The following KCNU1 variants were observed in gnomAD, a reference collection of about 807,000 sequenced individuals.
The protein encoded by KCNU1 is potassium channel subfamily U member 1.
In KCNU1, 93 loss-of-function variants were observed where a neutral mutation model predicts 126.8. The ratio of observed to expected loss-of-function variants is 0.73; its 90% CI spans 0.62 to 0.87. The LOEUF is 0.87. KCNU1 is among the 40% of genes least tolerant of loss of function. KCNU1 has a pLI of 0.00. For synonymous variants in KCNU1, 523 were observed against 494.2 expected, an observed-to-expected ratio of 1.06 and a Z score of -0.77; for missense variants, 1,330 against 1,367.1, an observed-to-expected ratio of 0.97 and a Z score of 0.43.
intron 19 of KCNU1, among the ~76,000 whole-genome samples, chr8:36,875,401 G>A (rs955755010): frequency 2.7e-5 from 4 of 148,348 alleles, no homozygotes; most frequent in Admixed American, 6.8e-5. Context: ...ATATATAATA[G>A]TGTTTTATAT....
intron 14 of KCNU1, among the ~76,000 whole-genome samples, chr8:36,839,222 C>G (rs1563287569): frequency 6.6e-6 from 1 of 152,080 alleles, no homozygotes; most frequent in East Asian, 1.9e-4. Flanking sequence ...CAGAGCATGG[C>G]CTTAAACTTA....
intron 24 of KCNU1, among the ~76,000 whole-genome samples, chr8:36,927,010 C>T (rs942581293): frequency 1.3e-5 from 2 of 152,036 alleles, no homozygotes; most frequent in Admixed American, 6.6e-5. Flanking sequence ...CTCTTCCTTC[C>T]CATGTATACT....
intron 7 of KCNU1, among the ~76,000 whole-genome samples, chr8:36,813,694 C>A (rs374998205): frequency 6.6e-6 from 1 of 151,114 alleles, no homozygotes; most frequent in African/African-American, 2.4e-5. Context: ...ACTGAAAAGA[C>A]GATTGTGCAA....
chr8:36,869,350 G>A (rs1332162706), intron 19 of KCNU1, among the ~76,000 whole-genome samples: 1 of 152,122 alleles, frequency 6.6e-6, no homozygotes, highest in Non-Finnish European at 1.5e-5. Context: ...TATTGGGTCT[G>A]CTTAAGTCAA....
intron 18 of KCNU1, among the ~76,000 whole-genome samples, chr8:36,855,946 GA>G (rs1805513218): frequency 6.6e-6 from 1 of 152,036 alleles, no homozygotes; most frequent in Non-Finnish European, 1.5e-5. Flanking sequence ...CTGGTTTCAA[GA>G]TTTTTTGTGA....
At chr8:36,888,249 GA>G (rs1806795431) in intron 19 of KCNU1, among the ~76,000 whole-genome samples, 1 of 152,156 alleles carries the variant, frequency 6.6e-6, no homozygotes, top group African/African-American at 2.4e-5. Context: ...AATGTAAGCA[GA>G]GAGGTAGAAA....
At chr8:36,789,360 T>C (rs916010263) in intron 2 of KCNU1, among the ~76,000 whole-genome samples, 1 of 150,478 alleles carries the variant, frequency 6.6e-6, no homozygotes, top group Non-Finnish European at 1.5e-5. Flanking sequence ...AGAGACCCCA[T>C]CTAAAAAAAA....
intron 9 of KCNU1, among the ~76,000 whole-genome samples, chr8:36,816,649 A>T (rs75362521): frequency 0.27 from 40,727 of 151,964 alleles, 5,942 homozygotes; most frequent in African/African-American, 0.37. Flanking sequence ...TGGGAACTTT[A>T]ATGTTAACTT....
chr8:36,801,500 G>C (rs143337434), intron 2 of KCNU1, among the ~76,000 whole-genome samples: 4 of 151,320 alleles, frequency 2.6e-5, no homozygotes, highest in South Asian at 2.1e-4. Context: ...GGTTGTAAAC[G>C]TAAGTAATAT....
chr8:36,880,055 G>A (rs1806417552), intron 19 of KCNU1, among the ~76,000 whole-genome samples: 1 of 152,134 alleles, frequency 6.6e-6, no homozygotes, highest in South Asian at 2.1e-4. Context: ...AAAGGTCATT[G>A]GTATTTTTGG....
At chr8:36,839,506 G>C (rs1016632730) in intron 14 of KCNU1, among the ~76,000 whole-genome samples, 4 of 152,210 alleles carry the variant, frequency 2.6e-5, no homozygotes, top group African/African-American at 9.6e-5. Flanking sequence ...AAAGGGAAAA[G>C]ATTCATTCAG....
rs369908863 is a variant in KCNU1 at position 36,815,612 on chromosome 8, A to C, written c.920A>C (p.Tyr307Ser). Residue 307 changes from tyrosine (Y) to serine (S), a missense_variant, in exon 9 of 27, where the codon TAT becomes TCT. Coordinates refer to ENST00000399881, the MANE Select transcript of KCNU1 (RefSeq NM_001031836.3). Reference sequence around the variant, plus strand: ...CAATTTTAGATATTATTTGCGAACTATATACCTGAAATGGTGGAACTGTTT... The same window carrying C: ...CAATTTTAGATATTATTTGCGAACTCTATACCTGAAATGGTGGAACTGTTT... ...TLGSLILFAN[Y>S]IPEMVELFAN... The C allele has an allele frequency of 5.1e-6, 8 of 1,579,988 alleles. No homozygotes were observed. In the South Asian group the frequency reaches 8.0e-5, roughly 16 times the overall value.
At chr8:36,867,217 G>A (rs899729423) in intron 19 of KCNU1, among the ~76,000 whole-genome samples, 3 of 152,130 alleles carry the variant, frequency 2.0e-5, no homozygotes, top group Admixed American at 2.0e-4. Context: ...GGAAGACGAG[G>A]TCAATGAGAG....
chr8:36,853,123 G>C lies in KCNU1; in HGVS notation c.1891+7224G>C, dbSNP rs576177932. Among the ~76,000 whole-genome samples the C allele has an allele frequency of 7.2e-5, 11 of 152,272 alleles. No homozygotes were observed. The East Asian group carries it at 2.1e-3, about 29-fold the overall frequency. On this transcript the variant is annotated intron_variant, in intron 18 of 26. Transcript: ENST00000399881. ...CCAGCATTATGGGAGGCTGAGGTTG[G>C]CGTATCACCTGAGATCAGGAGTTCG...
intron 22 of KCNU1, among the ~76,000 whole-genome samples, chr8:36,913,524 GC>G (rs1343895871): frequency 6.6e-6 from 1 of 151,998 alleles, no homozygotes; most frequent in African/African-American, 2.4e-5. Flanking sequence ...AAATATAGAT[GC>G]AGATAGGCTC....
chr8:36,932,239 T>C (rs1808724356), intron 25 of KCNU1, among the ~76,000 whole-genome samples: 1 of 152,134 alleles, frequency 6.6e-6, no homozygotes, highest in African/African-American at 2.4e-5. Flanking sequence ...ACAGGTGGAC[T>C]TGTAAGTGTA....
In KCNU1 at chr8:36,883,420, G is replaced by A. The variant is rs184570490; in HGVS notation, c.2009+18899G>A. Among the ~76,000 whole-genome samples the A allele has an allele frequency of 1.1e-3, 173 of 152,188 alleles. 1 individual carries two copies. The highest frequency in any genetic ancestry group is 6.8e-3 in the Middle Eastern group (2 of 294). On this transcript the variant is annotated intron_variant, in intron 19 of 26. Transcript: ENST00000399881. ...AACTTTATCATTTACTCCTGTTCCC[G>A]CTGTCATATCTAGAAACAACCTCAG...
chr8:36,917,909 A>C (rs1055664622), intron 22 of KCNU1, among the ~76,000 whole-genome samples: 1 of 151,902 alleles, frequency 6.6e-6, no homozygotes, highest in South Asian at 2.1e-4. Flanking sequence ...GCTTTAAGAA[A>C]CCCCACAGCC....
chr8:36,860,931 C>G (rs536801323), intron 18 of KCNU1, among the ~76,000 whole-genome samples: 2 of 148,932 alleles, frequency 1.3e-5, no homozygotes, highest in South Asian at 4.3e-4. Flanking sequence ...TTTTTATAAA[C>G]ATTCCAGACT....
Sources: gnomAD v4.1 joint callset for allele counts (sites outside exome capture counted in the v4.1 genomes callset) on GRCh38, gnomAD v4.1.1 for gene constraint, MANE v1.5 for transcripts, NCBI Gene and HGNC (gene_info 2026-07-23, HGNC 2026-07-21) for gene names.